The following PITRM1 variants were observed in gnomAD, a reference collection of about 807,000 sequenced individuals.
PITRM1 encodes presequence protease, mitochondrial.
PITRM1 carries 100 observed loss-of-function variants against 129.9 expected under a neutral mutation model. The ratio of observed to expected loss-of-function variants is 0.77; its 90% CI spans 0.65 to 0.91. The LOEUF (loss-of-function observed/expected upper bound fraction) is 0.91, where lower values mean the gene tolerates loss of function less well. Ranked by LOEUF, PITRM1 falls within the 40% of genes least tolerant of loss-of-function variation. PITRM1 has a pLI of 0.00. For synonymous variants in PITRM1, 591 were observed against 508.8 expected (o/e 1.16, Z -2.17); for missense variants, 1,471 against 1,318.3 (o/e 1.12, Z -1.79).
At chr10:3,152,467 T>C (rs1314296961) in intron 14 of PITRM1, among the ~76,000 whole-genome samples, 1 of 152,200 alleles carries the variant, frequency 6.6e-6, no homozygotes, top group Non-Finnish European at 1.5e-5. Context: ...GCCACGCACT[T>C]AGACACGGGA....
At position 3,147,243 on chromosome 10, in the gene PITRM1, A is replaced by G. The variant is rs1412309334; in HGVS notation, c.2243T>C (p.Leu748Pro). ...ETFSGMDQVR[L>P]MKRIAEMTDI... ...TGTCATTTCTGCAATCCTCTTCATC[A>G]GCCGCACCTAAGCCAGAGGAAACTC... Residue 748 changes from leucine (L) to proline (P), a missense_variant, in exon 20 of 27, where the codon CTG (leucine) becomes CCG (proline). By Grantham distance (98) the Leu-to-Pro change is moderately conservative. Coordinates refer to ENST00000224949, the MANE Select transcript of PITRM1 (RefSeq NM_014889.4). 1.2e-6 allele frequency: 2 copies of G among 1,611,484 alleles called. No individual in the cohort carries two copies. Among genetic ancestry groups the G allele is most frequent in the African/African-American group, 2.7e-5 (2 of 74,996 alleles).
chr10:3,163,856 G>C lies in PITRM1; in HGVS notation c.660C>G (p.His220Gln). 1 of 1,608,596 alleles carries C rather than the reference G, an allele frequency of 6.2e-7. No individual in the cohort carries two copies. The highest frequency in any genetic ancestry group is 8.5e-7 in the Non-Finnish European group (1 of 1,177,472). ...GGTCAGGAAGAAGTCTGTTCTGAAG[G>C]TGCTGGGAGAATATCCTCTCATTGT... ...FTDNERIFSQ[H>Q]LQNRLLPDHT... Residue 220 changes from histidine (H) to glutamine (Q), a missense_variant, in exon 7 of 27, where the codon CAC becomes CAG. His to Gln is a conservative substitution (Grantham distance 24). Coordinates refer to ENST00000224949, the MANE Select transcript of PITRM1 (RefSeq NM_014889.4).
intron 16 of PITRM1, 44 bp downstream of exon 16, chr10:3,149,577 A>C (rs1841286647): frequency 1.3e-6 from 2 of 1,506,732 alleles, no homozygotes; most frequent in Non-Finnish European, 1.8e-6. Context: ...ATGCACACAA[A>C]GCAGACATTA....
At chr10:3,167,759 G>A (rs1842995775) in intron 2 of PITRM1, 1 of 152,258 alleles carries the variant, frequency 6.6e-6, no homozygotes, top group Non-Finnish European at 1.5e-5. Context: ...GCAAGGAGGG[G>A]AAATGCTAGA....
chr10:3,167,284 A>G (rs74112951), intron 2 of PITRM1, among the ~76,000 whole-genome samples: 3 of 148,976 alleles, frequency 2.0e-5, no homozygotes, highest in Admixed American at 6.6e-5. Flanking sequence ...AAAGAGAGAG[A>G]GAGCGAGCGA....
In PITRM1 at chr10:3,151,320, A is replaced by G. The variant is rs762102705; in HGVS notation, c.1665T>C (p.Ser555=). 1.2e-6 allele frequency: 2 copies of G among 1,611,510 alleles called. No individual in the cohort carries two copies. Among genetic ancestry groups the G allele is most frequent in the South Asian group, 2.2e-5 (2 of 90,264 alleles). The change falls in exon 15 of 27, where the codon TCT becomes TCC. Residue 555 remains serine (S), a synonymous_variant. Transcript: ENST00000224949. ...RSQQSKPQDA[S]CLPALKVSDI... ...CGGAAACTTTCAACGCTGGCAGACAAGAGGCATCTTGAGGTTTGCTTTGTT... is the reference window on the plus strand; with the variant it reads ...CGGAAACTTTCAACGCTGGCAGACAGGAGGCATCTTGAGGTTTGCTTTGTT...
At position 3,138,973 on chromosome 10, in the gene PITRM1, G is replaced by T; in HGVS notation, c.2848C>A (p.Gln950Lys). The T allele has an allele frequency of 6.2e-7, 1 of 1,613,768 alleles. No individual in the cohort carries two copies. Among genetic ancestry groups the T allele is most frequent in the East Asian group, 2.2e-5 (1 of 44,874 alleles). ...GAAAGTTTGGCTTCGTCGATGTCTT[G>T]CTGTGTGAATTTTCCAGACTTAGCC... Reference protein sequence around the residue: ...DWAKSGKFTQQDIDEAKLSVF... With the variant: ...DWAKSGKFTQKDIDEAKLSVF... The change falls in exon 25 of 27, where the codon CAA becomes AAA. Residue 950 changes from glutamine to lysine, a missense_variant. Transcript: ENST00000224949.
chr10:3,164,329 G>A (rs1330932913), intron 6 of PITRM1: 2 of 153,254 alleles, frequency 1.3e-5, no homozygotes, highest in Admixed American at 6.5e-5. Flanking sequence ...GGGAATCAGA[G>A]AGCAGGCCAC....
At position 3,147,707 on chromosome 10, in the gene PITRM1, C is replaced by T. The variant is rs781550885; in HGVS notation, c.2100G>A (p.Lys700=). 6.2e-6 allele frequency: 10 copies of T among 1,604,028 alleles called. No homozygotes were observed. The East Asian group carries it at 8.9e-5, about 14-fold the overall frequency. Residue 700 remains lysine (K), a synonymous_variant, in exon 19 of 27, where the codon AAG becomes AAA. Coordinates refer to ENST00000224949, the MANE Select transcript of PITRM1 (RefSeq NM_014889.4). ...CCTGGGCGGTCATCTTCACCAGCAC[C>T]TTGAAGTGCTCCTCTTCTTCAAAGC... The part of the protein sequence containing the change: ...NPCFEEEEHF[K]VLVKMTAQEL...
intron 2 of PITRM1, among the ~76,000 whole-genome samples, chr10:3,169,533 G>A (rs959505569): frequency 2.5e-4 from 38 of 152,362 alleles, no homozygotes; most frequent in African/African-American, 8.9e-4. Flanking sequence ...AAAGCCAACA[G>A]CTGGCCAAAT....
chr10:3,172,830 G>A, upstream of PITRM1: 1 of 1,509,842 alleles, frequency 6.6e-7, no homozygotes, highest in Non-Finnish European at 8.9e-7. Flanking sequence ...CGCAGGGCGC[G>A]GGGCGGGGCT....
chr10:3,138,131 G>T lies in PITRM1; in HGVS notation c.3021-7C>A. 1 of 1,603,362 alleles carries T rather than the reference G, an allele frequency of 6.2e-7. No individual in the cohort carries two copies. ...CTTCCCAGTGCCGAGGTATCTGAGA[G>T]GAAGGCAGGCGTGGTCAGCAAGGAC... On this transcript the variant is annotated splice_polypyrimidine_tract_variant and splice_region_variant and intron_variant, in intron 26 of 26. Transcript: ENST00000224949.
In PITRM1 at chr10:3,137,866, T is replaced by C; in HGVS notation, c.*165A>G. The stretch of plus-strand genomic sequence containing the variant: ...ATGATTATTTCAATGAACCTCTTCC[T>C]GGTCACTCTTAAGATAGATCTGAGT... On this transcript the variant is annotated 3_prime_UTR_variant, in exon 27 of 27. Transcript: ENST00000224949. 6.7e-6 allele frequency: 4 copies of C among 593,836 alleles called. No homozygotes were observed. The highest frequency in any genetic ancestry group is 9.0e-6 in the Non-Finnish European group (3 of 332,652). 36.8% of individuals were successfully genotyped at this position (593,836 alleles called of 1,614,324 possible).
intron 21 of PITRM1, chr10:3,144,915 G>A (rs989525559): frequency 1.3e-5 from 2 of 152,582 alleles, no homozygotes; most frequent in African/African-American, 4.8e-5. Flanking sequence ...ATGGTACAAA[G>A]AAAATATTTT....
rs41316039 is a variant in PITRM1, at chr10:3,138,097, G to T, written c.3048C>A (p.His1016Gln). Reference sequence around the variant, plus strand: ...TCTCGGGTCCGAGGATGGCCAGGCCGTGTGTGCTCTTCCCAGTGCCGAGGT... The same window carrying T: ...TCTCGGGTCCGAGGATGGCCAGGCCTTGTGTGCTCTTCCCAGTGCCGAGGT... ...DRYLGTGKST[H>Q]GLAILGPENP... The change falls in exon 27 of 27, where the codon CAC (histidine) becomes CAA (glutamine). Residue 1016 changes from histidine (H) to glutamine (Q), a missense_variant. His to Gln is a conservative substitution (Grantham distance 24). Coordinates refer to ENST00000224949, the MANE Select transcript of PITRM1 (RefSeq NM_014889.4). 1.9e-6 allele frequency: 3 copies of T among 1,610,276 alleles called. No individual in the cohort carries two copies. The highest frequency in any genetic ancestry group is 1.3e-5 in the African/African-American group (1 of 74,990).
At chr10:3,147,050 C>G (rs1447520443) in intron 20 of PITRM1, 100 bp downstream of exon 20, 1 of 607,252 alleles carries the variant, frequency 1.6e-6, no homozygotes, top group Non-Finnish European at 2.9e-6. Context: ...ATAACCTTTA[C>G]CAAGCACTCT....
intron 10 of PITRM1, among the ~76,000 whole-genome samples, chr10:3,158,545 A>G (rs1223545610): frequency 6.6e-6 from 1 of 152,162 alleles, no homozygotes; most frequent in Non-Finnish European, 1.5e-5. Flanking sequence ...GAGAGACTCC[A>G]TCTAAAAAAA....
rs756105643 is a variant in PITRM1 at position 3,155,601 on chromosome 10, GATCTGCT to G, written c.1604_1610del (p.Gln535ProfsTer6). 6.2e-7 allele frequency: 1 copy of G among 1,613,772 alleles called. No individual in the cohort carries two copies. The highest frequency in any genetic ancestry group is 1.3e-5 in the African/African-American group (1 of 74,914). On this transcript the variant is annotated frameshift_variant, in exon 14 of 27. Transcript: ENST00000224949. LOFTEE classifies it high-confidence loss of function. Reference sequence around the variant, plus strand: ...AAGGAAGCCTCTGACCTTTCTCGTAGATCTGCTGCCTGTCTCCGGGGGACAGAGCCTC... The same window carrying G: ...AAGGAAGCCTCTGACCTTTCTCGTAGGCCTGTCTCCGGGGGACAGAGCCTC...
At chr10:3,169,956 T>C in intron 2 of PITRM1, 148 bp downstream of exon 2, 1 of 562,224 alleles carries the variant, frequency 1.8e-6, no homozygotes, top group South Asian at 2.5e-5. Flanking sequence ...TTCAGCCGAG[T>C]AGCTGCCACA....
Sources: allele counts gnomAD v4.1 joint callset (sites outside exome capture counted in the v4.1 genomes callset), GRCh38; gene constraint gnomAD v4.1.1; transcripts MANE v1.5; gene names NCBI Gene and HGNC (gene_info 2026-07-23, HGNC 2026-07-21).